The following ATRN variants were observed in gnomAD, a reference collection of about 807,000 sequenced individuals.
ATRN encodes the protein attractin-2.
A neutral mutation model predicts 178.7 loss-of-function variants in ATRN; 54 were observed. The ratio of observed to expected loss-of-function variants is 0.30; its 90% CI spans 0.24 to 0.38. The LOEUF (loss-of-function observed/expected upper bound fraction) is 0.38. Among genes scored for constraint, ATRN ranks in the 10% least tolerant of loss-of-function variants. The pLI, the probability that ATRN is intolerant of heterozygous loss-of-function variation, is 1.00. For missense variants in ATRN, 1,443 were observed against 1,815.1 expected (o/e 0.79, Z 3.73); for synonymous variants, 636 against 663.0 (o/e 0.96, Z 0.63).
intron 5 of ATRN, 73 bp from the exon 6 acceptor site, chr20:3,549,097 G>A: frequency 8.3e-7 from 1 of 1,209,732 alleles, no homozygotes. Flanking sequence ...GTTACATTTA[G>A]ATAATTAAAA....
At chr20:3,610,659 A>G (rs1459019228) in intron 24 of ATRN, among the ~76,000 whole-genome samples, 2 of 143,520 alleles carry the variant, frequency 1.4e-5, no homozygotes, top group East Asian at 4.0e-4. Flanking sequence ...TGCAGCCTCA[A>G]CCTCCCTGGC....
intron 11 of ATRN, among the ~76,000 whole-genome samples, chr20:3,566,937 A>G (rs2086045314): frequency 6.7e-6 from 1 of 150,076 alleles, no homozygotes; most frequent in Non-Finnish European, 1.5e-5. Context: ...AAAAGTGAGA[A>G]GGTGACATAT....
In ATRN at chr20:3,644,246, C is replaced by T. The variant is rs761332452; in HGVS notation, c.4143C>T (p.Gly1381=). The T allele has an allele frequency of 1.9e-5, 31 of 1,613,926 alleles. No homozygotes were observed. Among genetic ancestry groups the T allele is most frequent in the Admixed American group, 8.3e-5 (5 of 60,004 alleles). ...VFVRLPRGLG[G]IPPPGQSGLA... is the part of the protein sequence containing the mutation. ...TGAGGCTCCCTCGAGGCCTGGGTGGCATCCCTCCTCCTGGGCAGTCAGGTG... is the reference window on the plus strand; with the variant it reads ...TGAGGCTCCCTCGAGGCCTGGGTGGTATCCCTCCTCCTGGGCAGTCAGGTG... Residue 1381 remains glycine (G), a synonymous_variant, in exon 28 of 29, where the codon GGC becomes GGT. Transcript: ENST00000262919.
At chr20:3,597,852 T>C in intron 21 of ATRN, 54 bp from the exon 22 acceptor site, 2 of 1,101,116 alleles carry the variant, frequency 1.8e-6, no homozygotes, top group Non-Finnish European at 1.4e-6. Context: ...TCTAAAGACC[T>C]GTTCTATTTT....
In ATRN at chr20:3,630,916, C is replaced by CTTTTTTTTTTT. The variant is rs368394749; in HGVS notation, c.3864-3357_3864-3347dup. Among the ~76,000 whole-genome samples the CTTTTTTTTTTT allele has an allele frequency of 1.8e-4, 8 of 43,458 alleles. 2 individuals are homozygous for CTTTTTTTTTTT. Among genetic ancestry groups the CTTTTTTTTTTT allele is most frequent in the African/African-American group, 3.9e-4 (4 of 10,158 alleles). The allele number at this position is 43,458 out of a possible 152,430, so 28.5% of individuals were successfully genotyped here. A position where few individuals can be genotyped will look rare whatever the true frequency, so the allele number is the denominator to read the frequency against. Reference sequence around the variant, plus strand: ...ACCATGTCTAAAAGAATTTATTTAGCTTTTTTTTTTTTTTTTTTTTTTTTT... The same window carrying CTTTTTTTTTTT: ...ACCATGTCTAAAAGAATTTATTTAGCTTTTTTTTTTTTTTTTTTTTTTTTTTTTTTTTTTTT... On this transcript the variant is annotated intron_variant, in intron 25 of 28. Coordinates refer to ENST00000262919, the MANE Select transcript of ATRN (RefSeq NM_139321.3).
chr20:3,588,256 T>C (rs543107869), intron 18 of ATRN, among the ~76,000 whole-genome samples: 2 of 152,366 alleles, frequency 1.3e-5, no homozygotes, highest in African/African-American at 2.4e-5. Context: ...GTGTACATCA[T>C]TGTCTTGTTC....
At chr20:3,489,769 G>A (rs2084758100) in intron 1 of ATRN, 2 of 1,407,558 alleles carry the variant, frequency 1.4e-6, no homozygotes, top group East Asian at 2.3e-5. Flanking sequence ...AAGTGTCACT[G>A]GAAGGCTTTG....
At chr20:3,490,327 T>G in intron 1 of ATRN, 2 of 1,016,040 alleles carry the variant, frequency 2.0e-6, no homozygotes, top group Non-Finnish European at 3.1e-6. Flanking sequence ...TGCTTGTCTC[T>G]TTCGCCCATC....
chr20:3,585,349 TC>T (rs2086343279), intron 18 of ATRN, among the ~76,000 whole-genome samples: 1 of 152,016 alleles, frequency 6.6e-6, no homozygotes, highest in African/African-American at 2.4e-5. Flanking sequence ...CTGATGATCA[TC>T]CAGAATATGT....
chr20:3,637,665 C>T (rs235550), intron 26 of ATRN, among the ~76,000 whole-genome samples: 22,597 of 152,000 alleles, frequency 0.15, 1,810 homozygotes, highest in Non-Finnish European at 0.18. Flanking sequence ...TGTGAACGGC[C>T]GTTCACCATG....
intron 24 of ATRN, among the ~76,000 whole-genome samples, chr20:3,617,914 C>CCCTCAAACCAGCCCA (rs1342509917): frequency 2.0e-5 from 3 of 152,148 alleles, no homozygotes; most frequent in African/African-American, 7.2e-5. Flanking sequence ...AACTCCCTCT[C>CCCTCAAACCAGCCCA]CCTCAAACCA....
At chr20:3,598,217 C>G (rs1370222808) in intron 22 of ATRN, among the ~76,000 whole-genome samples, 1 of 152,204 alleles carries the variant, frequency 6.6e-6, no homozygotes, top group Non-Finnish European at 1.5e-5. Flanking sequence ...ATCTTAGACA[C>G]AGACTGACAT....
chr20:3,489,664 A>C, intron 1 of ATRN: 1 of 1,536,828 alleles, frequency 6.5e-7, no homozygotes, highest in Non-Finnish European at 9.0e-7. Flanking sequence ...TTGGCCCACA[A>C]GGAGACAGCA....
chr20:3,596,793 A>G (rs943078531), intron 21 of ATRN, among the ~76,000 whole-genome samples: 2 of 152,064 alleles, frequency 1.3e-5, no homozygotes, highest in African/African-American at 4.8e-5. Flanking sequence ...GAATTCTTAC[A>G]ATATGGTTGA....
At chr20:3,484,296 GTTA>G (rs2084661507) in intron 1 of ATRN, among the ~76,000 whole-genome samples, 2 of 150,446 alleles carry the variant, frequency 1.3e-5, no homozygotes, top group Admixed American at 6.6e-5. Flanking sequence ...TGTAGTAAAT[GTTA>G]TTATTCTTTT....
Position 3,471,283 on chromosome 20 carries a change from C to A in ATRN, c.176C>A (p.Pro59Gln), listed in dbSNP as rs2084416122. 5 of 1,467,502 alleles carry A rather than the reference C, an allele frequency of 3.4e-6. No homozygotes were observed. Among genetic ancestry groups the A allele is most frequent in the Non-Finnish European group, 2.7e-6 (3 of 1,118,592 alleles). 90.9% of individuals were successfully genotyped at this position (1,467,502 alleles called of 1,614,324 possible). A position where few individuals can be genotyped will look rare whatever the true frequency, so the allele number is the denominator to read the frequency against. Residue 59 changes from proline (P) to glutamine (Q), a missense_variant, in exon 1 of 29, where the codon CCA becomes CAA. This residue lies in a region of ATRN where 862 missense variants were observed against 972.1 expected (regional missense o/e 0.89). Coordinates refer to ENST00000262919, the MANE Select transcript of ATRN (RefSeq NM_139321.3). The stretch of plus-strand genomic sequence containing the variant: ...CGGCTGCTGTCTCCACCGCTGCGGC[C>A]ACGGCTGCTGCTGCTGCTGTTGTTG... ...LPRLLSPPLR[P>Q]RLLLLLLLLS...
intron 2 of ATRN, among the ~76,000 whole-genome samples, chr20:3,537,490 G>T (rs6139149): frequency 0.22 from 19,515 of 89,676 alleles, 1,834 homozygotes; most frequent in African/African-American, 0.41. Flanking sequence ...TTTTTTTCTT[G>T]TTTTTTTTTT....
intron 25 of ATRN, chr20:3,629,390 C>A (rs1226389949): frequency 1.3e-6 from 1 of 778,430 alleles, no homozygotes; most frequent in African/African-American, 1.9e-5. Context: ...AGCACAAGCT[C>A]TTTCCCTACA....
rs147729396 is a variant in ATRN, at chr20:3,549,305, T to G, written c.1079T>G (p.Met360Arg). The G allele has an allele frequency of 1.2e-6, 2 of 1,606,706 alleles. No homozygotes were observed. Among genetic ancestry groups the G allele is most frequent in the Non-Finnish European group, 1.7e-6 (2 of 1,177,730 alleles). Residue 360 changes from methionine (M) to arginine (R), a missense_variant, in exon 6 of 29, where the codon ATG (methionine) becomes AGG (arginine). Around this residue, in one of 4 missense-constraint regions of ATRN, gnomAD observed 862 missense variants for 972.1 expected, o/e 0.89. Transcript: ENST00000262919. ...ATTATGTGGGTTGTTGGAGGATATATGTTCAACCACTCAGATTATAACATG... is the reference window on the plus strand; with the variant it reads ...ATTATGTGGGTTGTTGGAGGATATAGGTTCAACCACTCAGATTATAACATG... ...GNIMWVVGGY[M>R]FNHSDYNMVL...
Sources: gnomAD v4.1 joint callset for allele counts (sites outside exome capture counted in the v4.1 genomes callset) on GRCh38, gnomAD v4.1.1 for gene constraint, gnomAD v4.1.1 regional missense constraint, MANE v1.5 for transcripts, NCBI Gene and HGNC (gene_info 2026-07-23, HGNC 2026-07-21) for gene names.